The following TYROBP variants were observed in gnomAD, a reference collection of about 807,000 sequenced individuals.
TYROBP encodes TYRO protein tyrosine kinase-binding protein.
TYROBP carries 14 observed loss-of-function variants against 17.1 expected under a neutral mutation model. The ratio of observed to expected loss-of-function variants is 0.82; its 90% CI spans 0.54 to 1.28. The LOEUF (loss-of-function observed/expected upper bound fraction) is 1.28. Among genes scored for constraint, TYROBP ranks in the 50% most tolerant of loss-of-function variants. The probability of loss-of-function intolerance (pLI) is 0.00; values close to 1 mark genes in which losing one functional copy is unlikely to be tolerated. For missense variants in TYROBP, 161 were observed against 151.4 expected, an observed-to-expected ratio of 1.06 and a Z score of -0.33; for synonymous variants, 73 against 67.4, an observed-to-expected ratio of 1.08 and a Z score of -0.41.
At chr19:35,907,394 C>T (rs777988814) in intron 3 of TYROBP, 52 bp downstream of exon 3, 29 of 1,592,972 alleles carry the variant, frequency 1.8e-5, no homozygotes, top group Middle Eastern at 3.3e-4. Flanking sequence ...TACCCAGCCC[C>T]CCACCCCCAT....
Position 35,907,730 on chromosome 19 carries a change from C to A in TYROBP, c.94G>T (p.Asp32Tyr), listed in dbSNP as rs758290972. The A allele has an allele frequency of 1.2e-5, 20 of 1,613,832 alleles. No individual in the cohort carries two copies. Among genetic ancestry groups the A allele is most frequent in the Non-Finnish European group, 1.7e-5 (20 of 1,180,002 alleles). ...GAGGGACTGCTGGGTCTAGGCCTAC[C>A]GCTCTGGGCCTGGGCCTGGACAGGA... ...LRPVQAQAQS[D>Y]CSCSTVSPGV... The change falls in exon 2 of 5, where the codon GAT becomes TAT. Residue 32 changes from aspartate (D) to tyrosine (Y), a missense_variant and splice_region_variant. Asp to Tyr is a radical substitution (Grantham distance 160). Transcript: ENST00000262629.
rs184582489 is a variant in TYROBP at position 35,905,711 on chromosome 19, T to A, written c.277-1077A>T. ...GGCTCACACCTCTAATCCCAGCACTTTGGGAGGGAAAGGTGGGCGGATCAC... is the reference window on the plus strand; with the variant it reads ...GGCTCACACCTCTAATCCCAGCACTATGGGAGGGAAAGGTGGGCGGATCAC... On this transcript the variant is annotated intron_variant, in intron 4 of 4. Coordinates refer to ENST00000262629, the MANE Select transcript of TYROBP (RefSeq NM_003332.4). Among the ~76,000 whole-genome samples, 166 of 150,900 alleles carry A rather than the reference T, an allele frequency of 1.1e-3. 1 individual carries two copies. The highest frequency in any genetic ancestry group is 3.8e-3 in the African/African-American group (157 of 41,062).
chr19:35,906,635 G>T (rs958469660), intron 4 of TYROBP, among the ~76,000 whole-genome samples: 3 of 151,718 alleles, frequency 2.0e-5, no homozygotes, highest in African/African-American at 7.3e-5. Context: ...CTAGGGCTGG[G>T]TTTCTTCCAG....
intron 4 of TYROBP, among the ~76,000 whole-genome samples, chr19:35,905,055 T>C (rs989133701): frequency 1.3e-5 from 2 of 152,052 alleles, no homozygotes; most frequent in Non-Finnish European, 2.9e-5. Flanking sequence ...TTAACTAGGA[T>C]ATAAACTCTG....
chr19:35,907,126 G>C, intron 4 of TYROBP, 92 bp downstream of exon 4: 1 of 1,303,710 alleles, frequency 7.7e-7, no homozygotes, highest in East Asian at 2.5e-5. Flanking sequence ...AGGCAGAGTG[G>C]CTTTGAGGTC....
chr19:35,906,032 A>C (rs1472237919), intron 4 of TYROBP, among the ~76,000 whole-genome samples: 1 of 151,826 alleles, frequency 6.6e-6, no homozygotes, highest in Non-Finnish European at 1.5e-5. Flanking sequence ...TGAGCCTGTA[A>C]TCCCAAGATT....
At chr19:35,908,138 G>A (rs367583790) in intron 1 of TYROBP, 30 bp downstream of exon 1, 51 of 1,607,250 alleles carry the variant, frequency 3.2e-5, no homozygotes, top group Middle Eastern at 1.7e-4. Context: ...CCAGGGACCC[G>A]GGAGGCAGCC....
chr19:35,904,831 C>G (rs892378791), intron 4 of TYROBP, among the ~76,000 whole-genome samples, 197 bp from the exon 5 acceptor site: 2 of 152,068 alleles, frequency 1.3e-5, no homozygotes, highest in Non-Finnish European at 1.5e-5. Context: ...CCTGCGTGTG[C>G]TGTTTCCTCT....
In TYROBP at chr19:35,904,575, G is replaced by T; in HGVS notation, c.336C>A (p.Tyr112Ter). 1 of 1,613,664 alleles carries T rather than the reference G, an allele frequency of 6.2e-7. No homozygotes were observed. The highest frequency in any genetic ancestry group is 8.5e-7 in the Non-Finnish European group (1 of 1,179,892). Residue 112 changes from tyrosine to a stop codon, truncating the protein, a stop_gained, in exon 5 of 5, where the codon TAC becomes TAA. Transcript: ENST00000262629. LOFTEE classifies it high-confidence loss of function. ...TGACTGTCATGATTCGGGCTCATTT[G>T]TAATACGGCCTCTGTGTGTTGAGGT... ...YSDLNTQRPY[Y>*]K
At chr19:35,907,156 G>T in intron 4 of TYROBP, 62 bp downstream of exon 4, 1 of 1,493,394 alleles carries the variant, frequency 6.7e-7, no homozygotes, top group Admixed American at 1.9e-5. Flanking sequence ...GCATGAAGGA[G>T]TATCTGGGGC....
At chr19:35,905,037 A>C (rs956383366) in intron 4 of TYROBP, among the ~76,000 whole-genome samples, 1 of 151,908 alleles carries the variant, frequency 6.6e-6, no homozygotes, top group Non-Finnish European at 1.5e-5. Flanking sequence ...ATTTGCTTTA[A>C]GTTTGTCTTA....
rs1489114936 is a variant in TYROBP at position 35,908,172 on chromosome 19, T to G, written c.57A>C (p.Val19=). Residue 19 remains valine, a synonymous_variant, in exon 1 of 5, where the codon GTA becomes GTC. Transcript: ENST00000262629. ...CCACGGAAGCCCCTAACTCACCACT[T>G]ACAGCCAGCAGGAGAGGCAGGAGCA... ...RLLLLPLLLA[V]SGLRPVQAQA... The G allele has an allele frequency of 2.5e-6, 4 of 1,613,578 alleles. No homozygotes were observed. Among genetic ancestry groups the G allele is most frequent in the Non-Finnish European group, 3.4e-6 (4 of 1,179,892 alleles).
Position 35,907,436 on chromosome 19 carries a change from C to T in TYROBP, c.229+10G>A, listed in dbSNP as rs749207597. On this transcript the variant is annotated intron_variant, in intron 3 of 4. Transcript: ENST00000262629. The stretch of plus-strand genomic sequence containing the variant: ...AAGTCCTCAGGATGTCCCCTGCTAG[C>T]CCCACTCACCCTCCGCAGCCCCTCG... 1 of 1,612,926 alleles carries T rather than the reference C, an allele frequency of 6.2e-7. No individual in the cohort carries two copies. The highest frequency in any genetic ancestry group is 8.5e-7 in the Non-Finnish European group (1 of 1,179,730).
chr19:35,905,809 C>G (rs113607493), intron 4 of TYROBP, among the ~76,000 whole-genome samples: 1 of 151,504 alleles, frequency 6.6e-6, no homozygotes, highest in Admixed American at 6.6e-5. Context: ...AAAAATTAGC[C>G]GGGTGTGGTG....
At chr19:35,907,064 G>A (rs1207304162) in intron 4 of TYROBP, among the ~76,000 whole-genome samples, 154 bp downstream of exon 4, 2 of 152,054 alleles carry the variant, frequency 1.3e-5, no homozygotes, top group Admixed American at 6.6e-5. Context: ...TTGATCATTC[G>A]GCCCAGTTTT....
chr19:35,904,946 C>T (rs190453095), intron 4 of TYROBP, among the ~76,000 whole-genome samples: 4 of 148,950 alleles, frequency 2.7e-5, no homozygotes, highest in South Asian at 2.1e-4. Context: ...TTCTTCCCCC[C>T]ACACTCCAGC....
chr19:35,904,651 C>T lies in TYROBP; in HGVS notation c.277-17G>A. 5 of 1,610,588 alleles carry T rather than the reference C, an allele frequency of 3.1e-6. No homozygotes were observed. The highest frequency in any genetic ancestry group is 4.2e-6 in the Non-Finnish European group (5 of 1,178,286). ...CTGGAGCTCCTAAAGGAATGGGGGC[C>T]ATCAGTGGAAGGGACCCACCAAATA... On this transcript the variant is annotated splice_polypyrimidine_tract_variant and intron_variant, in intron 4 of 4. Coordinates refer to ENST00000262629, the MANE Select transcript of TYROBP (RefSeq NM_003332.4).
intron 4 of TYROBP, 82 bp from the exon 5 acceptor site, chr19:35,904,716 A>C: frequency 1.6e-6 from 2 of 1,271,794 alleles, no homozygotes; most frequent in Non-Finnish European, 2.3e-6. Flanking sequence ...GGCCCCTGGC[A>C]GCTTCTTCAG....
At chr19:35,907,603 G>A (rs759301317) in intron 2 of TYROBP, 23 bp from the exon 3 acceptor site, 3 of 1,614,024 alleles carry the variant, frequency 1.9e-6, no homozygotes, top group Middle Eastern at 1.6e-4. Flanking sequence ...GGTCAGGGGA[G>A]GTCAGTGTGT....
Sources: gnomAD v4.1 joint callset for allele counts (sites outside exome capture counted in the v4.1 genomes callset) on GRCh38, gnomAD v4.1.1 for gene constraint, MANE v1.5 for transcripts, NCBI Gene and HGNC (gene_info 2026-07-23, HGNC 2026-07-21) for gene names.